The following WWP2 variants were observed in gnomAD, a reference collection of about 807,000 sequenced individuals.
WWP2 encodes the protein WW domain containing E3 ubiquitin protein ligase 2.
Under a neutral mutation model 121.0 loss-of-function variants are expected in WWP2, and 57 were observed. The observed-to-expected ratio is 0.47, with a 90% confidence interval of 0.38 to 0.59. WWP2 has a LOEUF of 0.59. Among genes scored for constraint, WWP2 ranks in the 20% least tolerant of loss-of-function variants. WWP2 has a pLI of 0.00. For missense variants in WWP2, 962 were observed against 1,158.9 expected (o/e 0.83, Z 2.47); for synonymous variants, 449 against 441.3 (o/e 1.02, Z -0.22).
chr16:69,817,911 A>T (rs2056525272), intron 4 of WWP2, among the ~76,000 whole-genome samples: 1 of 151,714 alleles, frequency 6.6e-6, no homozygotes, highest in Admixed American at 6.6e-5. Context: ...TCTTGTAAAG[A>T]TACCTTTATG....
At position 69,939,411 on chromosome 16, in the gene WWP2, C is replaced by G; in HGVS notation, c.2511C>G (p.Thr837=). 2 of 1,614,126 alleles carry G rather than the reference C, an allele frequency of 1.2e-6. No individual in the cohort carries two copies. Among genetic ancestry groups the G allele is most frequent in the Non-Finnish European group, 1.7e-6 (2 of 1,180,022 alleles). Residue 837 remains threonine (T), a splice_region_variant and synonymous_variant, in exon 23 of 24, where the codon ACC becomes ACG. Transcript: ENST00000359154. The part of the protein sequence containing the change: ...GKETWLPRSH[T]CFNRLDLPPY... ...AAACCTGGCTGCCCAGAAGCCACAC[C>G]TGGTGAGCCTGCTGGTTTTAGTGGG... is the stretch of plus-strand genomic sequence containing the variant.
intron 1 of WWP2, among the ~76,000 whole-genome samples, chr16:69,769,266 C>T (rs914064361): frequency 1.4e-5 from 2 of 144,872 alleles, no homozygotes; most frequent in African/African-American, 2.6e-5. Flanking sequence ...TGCAGTGAGC[C>T]GAGATTGCAC....
In WWP2 at chr16:69,937,152, G is replaced by A; in HGVS notation, c.2152G>A (p.Glu718Lys). ...TGACTGGCGTTTCACCCGAGGCGTG[G>A]AAGAGCAGACCAAAGCCTTCCTGGA... is the stretch of plus-strand genomic sequence containing the variant. The part of the protein sequence containing the change: ...LTDWRFTRGV[E>K]EQTKAFLDGF... The change falls in exon 20 of 24, where the codon GAA becomes AAA. Residue 718 changes from glutamate to lysine, a missense_variant. Glu to Lys is a moderately conservative substitution (Grantham distance 56). Around this residue, in one of 3 missense-constraint regions of WWP2, gnomAD observed 606 missense variants for 772.6 expected, o/e 0.78. Coordinates refer to ENST00000359154, the MANE Select transcript of WWP2 (RefSeq NM_001270454.2). This position sits in a 1 kb window ranked among gnomAD's most constrained non-coding sequence, Gnocchi z 6.6. 1.2e-6 allele frequency: 2 copies of A among 1,614,092 alleles called. No individual in the cohort carries two copies. The highest frequency in any genetic ancestry group is 1.7e-6 in the Non-Finnish European group (2 of 1,180,000).
intron 8 of WWP2, among the ~76,000 whole-genome samples, chr16:69,893,162 A>G (rs1189222205): frequency 6.6e-6 from 1 of 152,222 alleles, no homozygotes. Flanking sequence ...CAACTTAATC[A>G]GTAAATCCTC....
At chr16:69,870,345 G>T (rs1412993518) in intron 6 of WWP2, among the ~76,000 whole-genome samples, 4 of 147,248 alleles carry the variant, frequency 2.7e-5, no homozygotes, top group African/African-American at 1.0e-4. Flanking sequence ...CTGTCACCCA[G>T]GCTGGAATAC....
chr16:69,840,482 T>C lies in WWP2; in HGVS notation c.478+219T>C, dbSNP rs537282615. ...ATGTCCAGTCTTTGTAAATATGTAA[T>C]TGTTTGGTTTGATAGCAGAGAAAAA... is the stretch of plus-strand genomic sequence containing the variant. On this transcript the variant is annotated intron_variant, in intron 5 of 23. Coordinates refer to ENST00000359154, the MANE Select transcript of WWP2 (RefSeq NM_001270454.2). Among the ~76,000 whole-genome samples the C allele has an allele frequency of 3.9e-5, 6 of 152,336 alleles. No homozygotes were observed. In the South Asian group the frequency reaches 8.3e-4, roughly 21 times the overall value.
chr16:69,930,057 A>G, intron 12 of WWP2, 73 bp from the exon 13 acceptor site: 1 of 1,601,596 alleles, frequency 6.2e-7, no homozygotes, highest in Non-Finnish European at 8.5e-7. Flanking sequence ...CCACACTTTG[A>G]GGACCCAGCC....
chr16:69,830,761 G>A (rs1018358004), intron 4 of WWP2, among the ~76,000 whole-genome samples: 3 of 152,184 alleles, frequency 2.0e-5, no homozygotes, highest in African/African-American at 4.8e-5. Flanking sequence ...GTTGGAAGCC[G>A]AAGAGCCATC....
chr16:69,779,963 A>C (rs906115206), intron 1 of WWP2, among the ~76,000 whole-genome samples: 1 of 152,218 alleles, frequency 6.6e-6, no homozygotes, highest in Non-Finnish European at 1.5e-5. Flanking sequence ...AAAAACCACC[A>C]TCTGGATTTA....
intron 6 of WWP2, among the ~76,000 whole-genome samples, chr16:69,868,661 G>GCACACACACACA (rs57674223): frequency 8.7e-5 from 13 of 149,334 alleles, no homozygotes; most frequent in Admixed American, 2.0e-4. Flanking sequence ...ATACACATGT[G>GCACACACACACA]CACACACACA....
intron 1 of WWP2, among the ~76,000 whole-genome samples, chr16:69,771,615 T>C (rs2055417384): frequency 6.6e-6 from 1 of 152,182 alleles, no homozygotes; most frequent in African/African-American, 2.4e-5. Flanking sequence ...TTTTTCAAGA[T>C]TGTTTTGGCG....
intron 8 of WWP2, among the ~76,000 whole-genome samples, chr16:69,891,840 G>A (rs1184266424): frequency 6.6e-6 from 1 of 152,126 alleles, no homozygotes; most frequent in Admixed American, 6.5e-5. Context: ...CCTGGGAATG[G>A]TGCCACCATT....
chr16:69,788,452 G>C (rs933505197), intron 2 of WWP2, among the ~76,000 whole-genome samples: 1 of 152,178 alleles, frequency 6.6e-6, no homozygotes, highest in Non-Finnish European at 1.5e-5. Context: ...CTCATCTCCT[G>C]TTCCTGGTCT....
rs558688210 is a variant in WWP2 at position 69,798,943 on chromosome 16, A to G, written c.218+114A>G. Reference sequence around the variant, plus strand: ...GTGGCACCTCCGACTTTTTCTACCTATGGTACCCAAGGTGACTCTTTTTAG... The same window carrying G: ...GTGGCACCTCCGACTTTTTCTACCTGTGGTACCCAAGGTGACTCTTTTTAG... On this transcript the variant is annotated intron_variant, in intron 3 of 23. Coordinates refer to ENST00000359154, the MANE Select transcript of WWP2 (RefSeq NM_001270454.2). 68 of 1,464,732 alleles carry G rather than the reference A, an allele frequency of 4.6e-5. 1 individual carries two copies. The South Asian group carries it at 7.4e-4, about 16-fold the overall frequency. 90.7% of individuals were successfully genotyped at this position (1,464,732 alleles called of 1,614,324 possible).
At chr16:69,897,889 CAG>C (rs2058132073) in intron 8 of WWP2, among the ~76,000 whole-genome samples, 1 of 151,768 alleles carries the variant, frequency 6.6e-6, no homozygotes, top group South Asian at 2.1e-4. Flanking sequence ...GCCTGGGCGA[CAG>C]AGTGAGACTC....
chr16:69,889,151 A>T (rs1223839969), intron 8 of WWP2, among the ~76,000 whole-genome samples: 44 of 151,664 alleles, frequency 2.9e-4, no homozygotes, highest in Non-Finnish European at 4.4e-5. Context: ...CTGCCTACAC[A>T]CACACACACA....
chr16:69,920,620 A>G lies in WWP2; in HGVS notation c.1179+2737A>G, dbSNP rs1180394233. 2.7e-5 allele frequency among the ~76,000 whole-genome samples: 4 copies of G among 150,232 alleles called. No homozygotes were observed. In the East Asian group the frequency reaches 7.8e-4, roughly 29 times the overall value. The stretch of plus-strand genomic sequence containing the variant: ...TCTACCTGATTATCCAAAATTTCTC[A>G]TTAAAAAAAAAAAATGGAACCGAAT... On this transcript the variant is annotated intron_variant, in intron 10 of 23. Coordinates refer to ENST00000359154, the MANE Select transcript of WWP2 (RefSeq NM_001270454.2).
At chr16:69,898,174 TC>T (rs1158260096) in intron 8 of WWP2, among the ~76,000 whole-genome samples, 1 of 151,722 alleles carries the variant, frequency 6.6e-6, no homozygotes, top group Non-Finnish European at 1.5e-5. Context: ...ATTACAGGCA[TC>T]TACCACCATG....
At chr16:69,911,310 A>T (rs1567425899) in intron 9 of WWP2, among the ~76,000 whole-genome samples, 1 of 152,186 alleles carries the variant, frequency 6.6e-6, no homozygotes, top group Non-Finnish European at 1.5e-5. Flanking sequence ...AGTCACTCTT[A>T]AGCAGTGTTC....
Sources: gnomAD v4.1 joint callset for allele counts (sites outside exome capture counted in the v4.1 genomes callset) on GRCh38, gnomAD v4.1.1 for gene constraint, gnomAD v4.1.1 regional missense constraint, Gnocchi (gnomAD v3.1) non-coding constraint, MANE v1.5 for transcripts, NCBI Gene and HGNC (gene_info 2026-07-23, HGNC 2026-07-21) for gene names.